The following LGR5 variants were observed in gnomAD, a reference collection of about 807,000 sequenced individuals.
LGR5 encodes leucine-rich repeat-containing G protein-coupled receptor 5.
A neutral mutation model predicts 76.7 loss-of-function variants in LGR5; 54 were observed. That is an observed-to-expected ratio of 0.70 (90% CI 0.57 to 0.88). The LOEUF (loss-of-function observed/expected upper bound fraction) is 0.88. Ranked by LOEUF, LGR5 falls within the 40% of genes least tolerant of loss-of-function variation. The pLI, the probability that LGR5 is intolerant of heterozygous loss-of-function variation, is 0.00. For missense variants in LGR5, 1,078 were observed against 1,073.3 expected (o/e 1.00, Z -0.06); for synonymous variants, 406 against 421.9 (o/e 0.96, Z 0.46).
chr12:71,440,914 C>A lies in LGR5; in HGVS notation c.212+622C>A, dbSNP rs1459421250. ...TTTTAACGGCGTGATTAAAATGTGG[C>A]AACCACAAACCCCGATTAGAGCTGC... On this transcript the variant is annotated intron_variant, in intron 1 of 17. Coordinates refer to ENST00000266674, the MANE Select transcript of LGR5 (RefSeq NM_003667.4). The surrounding 1 kb of genome is among the most constrained non-coding windows in gnomAD (Gnocchi z 5.3). 6.6e-6 allele frequency among the ~76,000 whole-genome samples: 1 copy of A among 152,012 alleles called. No homozygotes were observed. Among genetic ancestry groups the A allele is most frequent in the Non-Finnish European group, 1.5e-5 (1 of 68,014 alleles).
intron 6 of LGR5, among the ~76,000 whole-genome samples, chr12:71,559,267 G>A (rs555072047): frequency 2.1e-5 from 3 of 141,844 alleles, no homozygotes; most frequent in African/African-American, 5.4e-5. Flanking sequence ...TCCGCCAGCC[G>A]TCAACACCTG....
At chr12:71,545,184 C>G (rs1371924866) in intron 4 of LGR5, among the ~76,000 whole-genome samples, 2 of 151,940 alleles carry the variant, frequency 1.3e-5, no homozygotes, top group Non-Finnish European at 2.9e-5. Context: ...AGTGGCTCAC[C>G]CCTGTAGTCC....
At chr12:71,581,591 T>C (rs935265190) in intron 16 of LGR5, among the ~76,000 whole-genome samples, 2 of 152,262 alleles carry the variant, frequency 1.3e-5, no homozygotes, top group African/African-American at 4.8e-5. Flanking sequence ...CTTGCCTTTT[T>C]TGTTTTAGGC....
chr12:71,468,084 A>G (rs1406800274), intron 1 of LGR5, among the ~76,000 whole-genome samples: 1 of 152,204 alleles, frequency 6.6e-6, no homozygotes, highest in African/African-American at 2.4e-5. Context: ...ATTTGTTTCT[A>G]TATTTATTTT....
intron 1 of LGR5, among the ~76,000 whole-genome samples, chr12:71,444,410 T>A (rs935427527): frequency 6.6e-6 from 1 of 152,054 alleles, no homozygotes; most frequent in Admixed American, 6.5e-5. Context: ...AACTGATAAT[T>A]AGTCTAAGTA....
At chr12:71,521,522 A>G (rs894572093) in intron 2 of LGR5, among the ~76,000 whole-genome samples, 3 of 152,220 alleles carry the variant, frequency 2.0e-5, no homozygotes, top group African/African-American at 7.2e-5. Flanking sequence ...AGAAATTAAG[A>G]ACAAGCAATG....
intron 3 of LGR5, among the ~76,000 whole-genome samples, chr12:71,529,860 G>A (rs1168719331): frequency 6.6e-6 from 1 of 151,338 alleles, no homozygotes; most frequent in African/African-American, 2.4e-5. Flanking sequence ...GGAGGCTGAG[G>A]CACAAGAATC....
chr12:71,453,706 CTT>C (rs35243515), intron 1 of LGR5, among the ~76,000 whole-genome samples: 39 of 144,982 alleles, frequency 2.7e-4, no homozygotes, highest in African/African-American at 3.5e-4. Context: ...AAATGTGTTT[CTT>C]TTTTTTTTTT....
At chr12:71,449,123 C>T (rs1872146448) in intron 1 of LGR5, among the ~76,000 whole-genome samples, 1 of 152,202 alleles carries the variant, frequency 6.6e-6, no homozygotes, top group Non-Finnish European at 1.5e-5. Flanking sequence ...TTTCTCCATC[C>T]CTCGCTTCAA....
intron 3 of LGR5, among the ~76,000 whole-genome samples, chr12:71,527,753 T>A (rs961834247): frequency 2.0e-5 from 3 of 152,196 alleles, no homozygotes; most frequent in African/African-American, 7.2e-5. Flanking sequence ...TCAACATGAA[T>A]TTTTGGAGAG....
At chr12:71,503,416 A>G (rs970737604) in intron 1 of LGR5, among the ~76,000 whole-genome samples, 3 of 152,200 alleles carry the variant, frequency 2.0e-5, no homozygotes, top group African/African-American at 7.2e-5. Context: ...ATTAATAGCA[A>G]TTTGGGGGTG....
intron 1 of LGR5, among the ~76,000 whole-genome samples, chr12:71,446,841 A>G (rs1297701834): frequency 6.6e-6 from 1 of 152,256 alleles, no homozygotes; most frequent in Non-Finnish European, 1.5e-5. Flanking sequence ...TTACAAATTT[A>G]GTAGACATCT....
At chr12:71,528,850 A>G (rs1261301647) in intron 3 of LGR5, among the ~76,000 whole-genome samples, 1 of 152,184 alleles carries the variant, frequency 6.6e-6, no homozygotes, top group African/African-American at 2.4e-5. Context: ...TTCAGCCTCA[A>G]TTCTCTGTTG....
At chr12:71,489,236 A>G (rs1873960174) in intron 1 of LGR5, among the ~76,000 whole-genome samples, 2 of 152,214 alleles carry the variant, frequency 1.3e-5, no homozygotes, top group African/African-American at 4.8e-5. Context: ...TTGTTTTAGA[A>G]TAACCATCCC....
rs917877165 is a variant in LGR5, at chr12:71,572,134, A to C, written c.1136+555A>C. Among the ~76,000 whole-genome samples, 49 of 146,408 alleles carry C rather than the reference A, an allele frequency of 3.3e-4. No individual in the cohort carries two copies. The Admixed American group carries it at 3.4e-3, about 10-fold the overall frequency. The stretch of plus-strand genomic sequence containing the variant: ...AGTCTCGCTCTGTCGCCCAGGCCGG[A>C]GTGCATGGCGTGATCTCGGCTCACT... On this transcript the variant is annotated intron_variant, in intron 12 of 17. Coordinates refer to ENST00000266674, the MANE Select transcript of LGR5 (RefSeq NM_003667.4).
intron 1 of LGR5, among the ~76,000 whole-genome samples, chr12:71,462,127 G>C (rs17109722): frequency 0.072 from 10,974 of 152,008 alleles, 1,404 homozygotes; most frequent in African/African-American, 0.25. Flanking sequence ...AATGCTGATC[G>C]TGTCACTTCC....
rs531486686 is a variant in LGR5 at position 71,504,044 on chromosome 12, G to A, written c.213-570G>A. On this transcript the variant is annotated intron_variant, in intron 1 of 17. Coordinates refer to ENST00000266674, the MANE Select transcript of LGR5 (RefSeq NM_003667.4). ...CAGAGCAGGATCACCTTACACCCTC[G>A]TTTTATGGTTCATTTCACTTATTTA... Among the ~76,000 whole-genome samples the A allele has an allele frequency of 6.6e-5, 10 of 152,202 alleles. No homozygotes were observed. In the East Asian group the frequency reaches 1.3e-3, roughly 21 times the overall value.
intron 1 of LGR5, among the ~76,000 whole-genome samples, chr12:71,447,110 A>G (rs922022190): frequency 6.6e-6 from 1 of 152,232 alleles, no homozygotes; most frequent in Non-Finnish European, 1.5e-5. Flanking sequence ...TTCACCTTTA[A>G]AATGGATGAG....
chr12:71,522,312 T>C (rs1183587603), intron 2 of LGR5, among the ~76,000 whole-genome samples: 1 of 152,094 alleles, frequency 6.6e-6, no homozygotes, highest in Non-Finnish European at 1.5e-5. Flanking sequence ...AGACTGAATA[T>C]GGGGAGACAA....
Sources: gnomAD v4.1 joint callset for allele counts (sites outside exome capture counted in the v4.1 genomes callset) on GRCh38, gnomAD v4.1.1 for gene constraint, Gnocchi (gnomAD v3.1) non-coding constraint, MANE v1.5 for transcripts, NCBI Gene and HGNC (gene_info 2026-07-23, HGNC 2026-07-21) for gene names.